The following COMMD1 variants were observed in gnomAD, a reference collection of about 807,000 sequenced individuals.
COMMD1 encodes copper metabolism domain containing 1.
COMMD1 carries 10 observed loss-of-function variants against 17.2 expected under a neutral mutation model. The observed-to-expected ratio is 0.58, with a 90% CI of 0.36 to 0.99. The LOEUF (loss-of-function observed/expected upper bound fraction) is 0.99, where lower values mean the gene tolerates loss of function less well. Among genes scored for constraint, COMMD1 ranks in the 50% least tolerant of loss-of-function variants. COMMD1 has a pLI of 0.01. For synonymous variants in COMMD1, 97 were observed against 91.6 expected (o/e 1.06, Z -0.34); for missense variants, 270 against 231.8 (o/e 1.17, Z -1.07).
At chr2:62,066,637 G>A (rs1410347848) in intron 2 of COMMD1, among the ~76,000 whole-genome samples, 54 of 151,328 alleles carry the variant, frequency 3.6e-4, no homozygotes, top group Admixed American at 2.4e-3. Context: ...TCCTGACCTC[G>A]TGATCTGCCC....
chr2:61,928,207 G>T (rs1335379356), intron 1 of COMMD1, among the ~76,000 whole-genome samples: 2 of 152,060 alleles, frequency 1.3e-5, no homozygotes, highest in South Asian at 2.1e-4. Flanking sequence ...CTGTTGCCTA[G>T]CCTGGAGTGC....
chr2:62,003,519 C>T (rs1341850485), intron 2 of COMMD1, among the ~76,000 whole-genome samples: 24 of 148,738 alleles, frequency 1.6e-4, no homozygotes, highest in African/African-American at 6.0e-4. Context: ...CCAGCCTGGG[C>T]GACAGAGTGA....
intron 1 of COMMD1, among the ~76,000 whole-genome samples, chr2:61,899,998 T>A (rs1015075807): frequency 1.3e-5 from 2 of 152,094 alleles, no homozygotes; most frequent in African/African-American, 4.8e-5. Context: ...TCTAAAAGAG[T>A]AATGTATTTC....
intron 1 of COMMD1, among the ~76,000 whole-genome samples, chr2:61,977,235 A>G (rs1291428695): frequency 2.1e-5 from 3 of 142,186 alleles, no homozygotes; most frequent in Non-Finnish European, 1.5e-5. Flanking sequence ...TAAAAAATAA[A>G]GTTTGCTTTT....
At chr2:61,930,096 G>A (rs181989136) in intron 1 of COMMD1, among the ~76,000 whole-genome samples, 184 of 152,278 alleles carry the variant, frequency 1.2e-3, no homozygotes, top group African/African-American at 4.1e-3. Flanking sequence ...TGCTATTGAG[G>A]TTCAGTAAAA....
At chr2:62,015,673 A>G (rs1418724360) in intron 2 of COMMD1, among the ~76,000 whole-genome samples, 1 of 142,774 alleles carries the variant, frequency 7.0e-6, no homozygotes, top group Non-Finnish European at 1.5e-5. Context: ...GTACATCCTC[A>G]CTAACACTTG....
At chr2:62,070,875 C>CA (rs1671182918) in intron 2 of COMMD1, among the ~76,000 whole-genome samples, 1 of 152,024 alleles carries the variant, frequency 6.6e-6, no homozygotes, top group Admixed American at 6.6e-5. Flanking sequence ...ACCAAAAATA[C>CA]AAAAAATTAG....
At chr2:62,032,535 C>A (rs1029771347) in intron 2 of COMMD1, among the ~76,000 whole-genome samples, 1 of 152,056 alleles carries the variant, frequency 6.6e-6, no homozygotes, top group African/African-American at 2.4e-5. Flanking sequence ...GACCCTGTCT[C>A]TAAAACAAAA....
intron 1 of COMMD1, among the ~76,000 whole-genome samples, chr2:61,975,656 A>G (rs1432266976): frequency 6.6e-6 from 1 of 152,178 alleles, no homozygotes; most frequent in Non-Finnish European, 1.5e-5. Flanking sequence ...TCATTAAAAT[A>G]TTTCATTAAA....
chr2:62,076,007 G>A (rs564342298), intron 2 of COMMD1, among the ~76,000 whole-genome samples: 3 of 152,316 alleles, frequency 2.0e-5, no homozygotes, highest in Admixed American at 6.5e-5. Context: ...ATAATAAAGG[G>A]AATGGAAAAG....
Position 62,046,629 on chromosome 2 carries a change from T to C in COMMD1, c.462+45647T>C, listed in dbSNP as rs569365608. 2.6e-5 allele frequency among the ~76,000 whole-genome samples: 4 copies of C among 152,380 alleles called. No homozygotes were observed. In the East Asian group the frequency reaches 7.7e-4, roughly 29 times the overall value. Reference sequence around the variant, plus strand: ...AGACCTTATGAATCCTTATGCCTACTATATTGTCTTGATCTTCTGAACACA... The same window carrying C: ...AGACCTTATGAATCCTTATGCCTACCATATTGTCTTGATCTTCTGAACACA... On this transcript the variant is annotated intron_variant, in intron 2 of 2. Coordinates refer to ENST00000311832, the MANE Select transcript of COMMD1 (RefSeq NM_152516.4).
At chr2:61,888,575 T>C (rs946589642), upstream of COMMD1, 7 of 1,563,554 alleles carry the variant, frequency 4.5e-6, no homozygotes, top group Middle Eastern at 1.9e-4. Flanking sequence ...CCGGCCGCAG[T>C]GTAATAACGG....
chr2:62,128,348 CAAAA>C (rs1362462845), intron 2 of COMMD1, among the ~76,000 whole-genome samples: 1 of 142,346 alleles, frequency 7.0e-6, no homozygotes, highest in Non-Finnish European at 1.6e-5. Context: ...AAAAAAAAAA[CAAAA>C]AAACTCAAGA....
intron 2 of COMMD1, among the ~76,000 whole-genome samples, chr2:62,036,749 C>T (rs1430389981): frequency 6.6e-6 from 1 of 152,126 alleles, no homozygotes; most frequent in Non-Finnish European, 1.5e-5. Flanking sequence ...TCCATCACTT[C>T]CACCTTGGTT....
At chr2:61,996,831 TC>T (rs1482423187) in intron 1 of COMMD1, among the ~76,000 whole-genome samples, 1 of 152,190 alleles carries the variant, frequency 6.6e-6, no homozygotes, top group African/African-American at 2.4e-5. Context: ...AGTTACTTCC[TC>T]CACTGAAATC....
chr2:62,086,018 T>C (rs1573165584), intron 2 of COMMD1, among the ~76,000 whole-genome samples: 1 of 150,086 alleles, frequency 6.7e-6, no homozygotes, highest in South Asian at 2.1e-4. Context: ...TTTAAGAAAA[T>C]GAGCCAGGCG....
intron 1 of COMMD1, among the ~76,000 whole-genome samples, chr2:61,985,211 T>C (rs1002425468): frequency 1.3e-5 from 2 of 151,890 alleles, no homozygotes; most frequent in African/African-American, 2.4e-5. Flanking sequence ...CCACCACGCC[T>C]GGCTAATTTT....
At chr2:61,958,008 C>A (rs141394526) in intron 1 of COMMD1, among the ~76,000 whole-genome samples, 29 of 152,234 alleles carry the variant, frequency 1.9e-4, no homozygotes, top group Non-Finnish European at 3.5e-4. Flanking sequence ...GTATTATTAG[C>A]TGCTTTTGAA....
chr2:62,029,757 C>T (rs1369688077), intron 2 of COMMD1, among the ~76,000 whole-genome samples: 1 of 152,338 alleles, frequency 6.6e-6, no homozygotes, highest in East Asian at 1.9e-4. Flanking sequence ...AAAAGGTTCT[C>T]TCAACTTCTC....
Sources: allele counts gnomAD v4.1 joint callset (sites outside exome capture counted in the v4.1 genomes callset), GRCh38; gene constraint gnomAD v4.1.1; transcripts MANE v1.5; gene names NCBI Gene and HGNC (gene_info 2026-07-23, HGNC 2026-07-21).